Variants in DOCK4 observed in about 807,000 individuals in gnomAD.
DOCK4 encodes dedicator of cytokinesis protein 4.
In DOCK4, 97 loss-of-function variants were observed where a neutral mutation model predicts 268.1. The ratio of observed to expected loss-of-function variants is 0.36; its 90% CI spans 0.31 to 0.43. The LOEUF (loss-of-function observed/expected upper bound fraction) is 0.43, where lower values mean the gene tolerates loss of function less well. DOCK4 is among the 20% of genes least tolerant of loss of function. The probability of loss-of-function intolerance (pLI) is 1.00; values close to 1 mark genes in which losing one functional copy is unlikely to be tolerated. For missense variants in DOCK4, 2,145 were observed against 2,455.7 expected (o/e 0.87, Z 2.67); for synonymous variants, 954 against 887.2 (o/e 1.08, Z -1.34).
chr7:111,749,615 C>T (rs778324751), intron 42 of DOCK4, among the ~76,000 whole-genome samples: 1 of 151,936 alleles, frequency 6.6e-6, no homozygotes, highest in Non-Finnish European at 1.5e-5. Context: ...AAAATACAAA[C>T]GACTTGGAAA....
At chr7:111,927,213 G>A (rs1484301805) in intron 12 of DOCK4, among the ~76,000 whole-genome samples, 1 of 152,176 alleles carries the variant, frequency 6.6e-6, no homozygotes, top group African/African-American at 2.4e-5. Flanking sequence ...TGATAAGCGT[G>A]AACAAATAAT....
chr7:111,922,730 C>T (rs761479924), intron 12 of DOCK4, among the ~76,000 whole-genome samples: 2 of 152,130 alleles, frequency 1.3e-5, no homozygotes, highest in African/African-American at 2.4e-5. Context: ...TACAGGCGTG[C>T]GCCACCACAC....
chr7:111,889,571 C>A (rs1227100959), intron 16 of DOCK4, among the ~76,000 whole-genome samples: 1 of 152,098 alleles, frequency 6.6e-6, no homozygotes, highest in Admixed American at 6.6e-5. Context: ...AGAAGTCCAT[C>A]TCAAAGGTAG....
At chr7:111,860,548 T>C (rs562752414) in intron 23 of DOCK4, among the ~76,000 whole-genome samples, 2 of 152,324 alleles carry the variant, frequency 1.3e-5, no homozygotes, top group Admixed American at 1.3e-4. Context: ...CCATAATCAT[T>C]CTCCATGTGT....
At chr7:112,027,879 A>G (rs146343887) in intron 1 of DOCK4, among the ~76,000 whole-genome samples, 1 of 152,360 alleles carries the variant, frequency 6.6e-6, no homozygotes, top group Non-Finnish European at 1.5e-5. Context: ...TGAGTAAATC[A>G]CAGTCTTTTT....
At chr7:112,177,741 C>A (rs1818656310) in intron 1 of DOCK4, among the ~76,000 whole-genome samples, 1 of 150,604 alleles carries the variant, frequency 6.6e-6, no homozygotes, top group African/African-American at 2.5e-5. Flanking sequence ...TTTTTTTTAA[C>A]AGAAATTTGA....
intron 17 of DOCK4, among the ~76,000 whole-genome samples, chr7:111,873,248 TGGTCCAGCA>T (rs1806569560): frequency 2.0e-5 from 3 of 152,216 alleles, no homozygotes; most frequent in Admixed American, 2.0e-4. Flanking sequence ...ATGAGGGCTT[TGGTCCAGCA>T]GGTCCTTAGA....
chr7:111,731,706 T>TC (rs1464694259), intron 52 of DOCK4, among the ~76,000 whole-genome samples: 1 of 152,208 alleles, frequency 6.6e-6, no homozygotes, highest in Non-Finnish European at 1.5e-5. Flanking sequence ...TTTTTCATGA[T>TC]CAAGTATGTA....
At chr7:112,193,647 G>A (rs542466568) in intron 1 of DOCK4, among the ~76,000 whole-genome samples, 1 of 151,562 alleles carries the variant, frequency 6.6e-6, no homozygotes, top group Non-Finnish European at 1.5e-5. Flanking sequence ...TGCCTCCAGA[G>A]GTGGGCCTGC....
intron 30 of DOCK4, among the ~76,000 whole-genome samples, chr7:111,797,769 A>G (rs2078986): frequency 2.6e-5 from 4 of 152,200 alleles, no homozygotes; most frequent in African/African-American, 9.6e-5. Context: ...ATAGACCAAA[A>G]GACAGATAAG....
At chr7:111,832,047 C>T (rs1425991242) in intron 26 of DOCK4, among the ~76,000 whole-genome samples, 3 of 152,134 alleles carry the variant, frequency 2.0e-5, no homozygotes, top group Admixed American at 2.0e-4. Context: ...AGCTTATGGC[C>T]CAGTGGGATA....
At chr7:112,130,883 A>T (rs1563114961) in intron 1 of DOCK4, among the ~76,000 whole-genome samples, 2 of 152,248 alleles carry the variant, frequency 1.3e-5, no homozygotes. Context: ...GCAGTAATTC[A>T]CAGTCTCTGG....
chr7:111,762,764 T>G (rs1459203820), intron 39 of DOCK4, among the ~76,000 whole-genome samples: 6 of 31,942 alleles, frequency 1.9e-4, no homozygotes, highest in Admixed American at 4.2e-4. Flanking sequence ...TTTGTTTTCT[T>G]TTTTTTTTTT....
chr7:111,961,737 C>A (rs117141214), intron 8 of DOCK4, among the ~76,000 whole-genome samples: 2 of 152,136 alleles, frequency 1.3e-5, no homozygotes, highest in Non-Finnish European at 2.9e-5. Flanking sequence ...AGAAAACATT[C>A]CTCTTAAGTT....
At chr7:111,854,350 C>G (rs1165171795) in intron 23 of DOCK4, among the ~76,000 whole-genome samples, 1 of 152,186 alleles carries the variant, frequency 6.6e-6, no homozygotes, top group Non-Finnish European at 1.5e-5. Context: ...ATTCTAATTA[C>G]CAGTGCATGC....
At chr7:112,147,400 T>C (rs2729537) in intron 1 of DOCK4, among the ~76,000 whole-genome samples, 233 of 152,336 alleles carry the variant, frequency 1.5e-3, no homozygotes, top group African/African-American at 5.5e-3. Flanking sequence ...CAGACATTTA[T>C]ATCAGTGCAT....
At chr7:111,979,702 GT>G (rs1425838213) in intron 7 of DOCK4, among the ~76,000 whole-genome samples, 1 of 152,170 alleles carries the variant, frequency 6.6e-6, no homozygotes, top group Non-Finnish European at 1.5e-5. Flanking sequence ...AGAAATAGAT[GT>G]AAAAACCTCA....
chr7:111,846,015 T>C (rs997244779), intron 24 of DOCK4, among the ~76,000 whole-genome samples: 4 of 152,158 alleles, frequency 2.6e-5, no homozygotes, highest in Admixed American at 6.6e-5. Flanking sequence ...AAAAGTCAAC[T>C]GCTTTGTTCC....
chr7:111,808,085 A>G (rs1039490154), intron 30 of DOCK4: 1 of 152,212 alleles, frequency 6.6e-6, no homozygotes, highest in African/African-American at 2.4e-5. Context: ...CAAATAGGTC[A>G]ATCATTTTAA....
Sources: allele counts gnomAD v4.1 joint callset (sites outside exome capture counted in the v4.1 genomes callset), GRCh38; gene constraint gnomAD v4.1.1; transcripts MANE v1.5; gene names NCBI Gene and HGNC (gene_info 2026-07-23, HGNC 2026-07-21).